Variants in ANGPTL6 observed in about 807,000 individuals in gnomAD.
ANGPTL6 encodes angiopoietin like 6.
A neutral mutation model predicts 47.4 loss-of-function variants in ANGPTL6; 45 were observed. That is an observed-to-expected ratio of 0.95 (90% CI 0.75 to 1.22). The LOEUF (loss-of-function observed/expected upper bound fraction) is 1.22. Ranked by LOEUF, ANGPTL6 falls within the 50% of genes most tolerant of loss-of-function variation. ANGPTL6 has a pLI of 0.00. For missense variants in ANGPTL6, 698 were observed against 669.4 expected, an observed-to-expected ratio of 1.04 and a Z score of -0.47; for synonymous variants, 290 against 295.9, an observed-to-expected ratio of 0.98 and a Z score of 0.20.
Position 10,102,549 on chromosome 19 carries a change from T to C in ANGPTL6, c.-11+19A>G. The C allele has an allele frequency of 1.0e-6, 1 of 983,968 alleles. No homozygotes were observed. Among genetic ancestry groups the C allele is most frequent in the Non-Finnish European group, 1.2e-6 (1 of 828,764 alleles). 61.0% of individuals were successfully genotyped at this position (983,968 alleles called of 1,614,324 possible). ...CCCACAGTGAGAATCAACCTCCACC[T>C]ACCTTCCCACCCTCTCACCTCTGAT... On this transcript the variant is annotated intron_variant, in intron 1 of 5. Coordinates refer to ENST00000253109, the MANE Select transcript of ANGPTL6 (RefSeq NM_031917.3).
chr19:10,093,192 T>G, intron 5 of ANGPTL6, 157 bp downstream of exon 5: 1 of 1,038,622 alleles, frequency 9.6e-7, no homozygotes, highest in African/African-American at 1.6e-5. Context: ...CCCACCAGGA[T>G]AAAAGTCCTG....
chr19:10,105,928 A>G (rs3760756), upstream of ANGPTL6, among the ~76,000 whole-genome samples: 26,578 of 152,172 alleles, frequency 0.17, 2,717 homozygotes, highest in East Asian at 0.38. Context: ...CAGCTGGCCC[A>G]GAGGAGTTGC....
At position 10,096,523 on chromosome 19, in the gene ANGPTL6, A is replaced by T; in HGVS notation, c.41T>A (p.Leu14Gln). 6.6e-7 allele frequency: 1 copy of T among 1,515,032 alleles called. No individual in the cohort carries two copies. Among genetic ancestry groups the T allele is most frequent in the Non-Finnish European group, 8.8e-7 (1 of 1,138,298 alleles). 93.8% of individuals were successfully genotyped at this position (1,515,032 alleles called of 1,614,324 possible). A position where few individuals can be genotyped will look rare whatever the true frequency, so the allele number is the denominator to read the frequency against. ...CGCCCGCGCCCACGACGCGCCCAGC[A>T]GGAGCAGCAGCTGTAGCGCACGCAG... ...PWLRALQLLL[L>Q]LGASWARAGA... Residue 14 changes from leucine (L) to glutamine (Q), a missense_variant, in exon 2 of 6, where the codon CTG becomes CAG. Coordinates refer to ENST00000253109, the MANE Select transcript of ANGPTL6 (RefSeq NM_031917.3).
chr19:10,097,036 C>T (rs1337424727), intron 1 of ANGPTL6, among the ~76,000 whole-genome samples: 1 of 151,888 alleles, frequency 6.6e-6, no homozygotes, highest in Non-Finnish European at 1.5e-5. Flanking sequence ...GAGTTCAAGG[C>T]TTCAGTGAGC....
chr19:10,101,804 CAAAAAAAAAAA>C (rs1019332736), intron 1 of ANGPTL6, among the ~76,000 whole-genome samples: 1 of 54,106 alleles, frequency 1.8e-5, no homozygotes, highest in Non-Finnish European at 3.5e-5. Context: ...GAGCAAGGCT[CAAAAAAAAAAA>C]AAAAAAAAAG....
chr19:10,098,521 G>T (rs1383543393), intron 1 of ANGPTL6, among the ~76,000 whole-genome samples: 3 of 152,098 alleles, frequency 2.0e-5, no homozygotes, highest in South Asian at 4.1e-4. Flanking sequence ...ACCTGGGAGA[G>T]GTTAAAGCAA....
In ANGPTL6 at chr19:10,096,013, A is replaced by T; in HGVS notation, c.551T>A (p.Leu184Gln). The stretch of plus-strand genomic sequence containing the variant: ...CTGCCCGCCCGCGCCTCCCGGGCAC[A>T]GGCGCTCCAGGCGGGCGATGAGACT... ...QSSLIARLER[L>Q]CPGGAGGQQQ... The change falls in exon 2 of 6, where the codon CTG (leucine) becomes CAG (glutamine). Residue 184 changes from leucine to glutamine, a missense_variant. Transcript: ENST00000253109. 1 of 1,362,214 alleles carries T rather than the reference A, an allele frequency of 7.3e-7. No individual in the cohort carries two copies. The highest frequency in any genetic ancestry group is 9.5e-7 in the Non-Finnish European group (1 of 1,052,596). The allele number at this position is 1,362,214 out of a possible 1,614,324, so 84.4% of individuals were successfully genotyped here.
intron 1 of ANGPTL6, among the ~76,000 whole-genome samples, chr19:10,096,823 G>T (rs1476303352): frequency 6.6e-6 from 1 of 152,108 alleles, no homozygotes; most frequent in African/African-American, 2.4e-5. Context: ...GCCGGGCGCC[G>T]TAGCTCACGC....
chr19:10,092,831 C>T, intron 5 of ANGPTL6, 52 bp from the exon 6 acceptor site: 1 of 1,459,312 alleles, frequency 6.9e-7, no homozygotes, highest in Non-Finnish European at 9.2e-7. Flanking sequence ...AAGCCTCTAC[C>T]TGCACCTCAC....
chr19:10,102,417 C>A (rs2088704036), intron 1 of ANGPTL6, 151 bp downstream of exon 1: 1 of 319,976 alleles, frequency 3.1e-6, no homozygotes, highest in Non-Finnish European at 4.5e-6. Flanking sequence ...GATTGAGCAA[C>A]CCCCCAGAAC....
At chr19:10,105,787 A>C (rs1213771292), upstream of ANGPTL6, among the ~76,000 whole-genome samples, 1 of 152,172 alleles carries the variant, frequency 6.6e-6, no homozygotes, top group Non-Finnish European at 1.5e-5. Flanking sequence ...TGAGGCCAAG[A>C]CTGAGGCTTT....
rs904879869 is a variant in ANGPTL6 at position 10,095,971 on chromosome 19, T to C, written c.582+11A>G. On this transcript the variant is annotated intron_variant, in intron 2 of 5. Coordinates refer to ENST00000253109, the MANE Select transcript of ANGPTL6 (RefSeq NM_031917.3). ...AGACGATGCTGCTCTCCGGGGAGGC[T>C]GCGAGGTTACCTGCTGCTGCCCGCC... The C allele has an allele frequency of 1.3e-5, 17 of 1,305,730 alleles. No homozygotes were observed. The highest frequency in any genetic ancestry group is 1.6e-5 in the Non-Finnish European group (16 of 1,023,168). 80.9% of individuals were successfully genotyped at this position (1,305,730 alleles called of 1,614,324 possible).
chr19:10,105,845 C>A (rs908532383), upstream of ANGPTL6, among the ~76,000 whole-genome samples: 8 of 152,224 alleles, frequency 5.3e-5, no homozygotes, highest in African/African-American at 1.9e-4. Context: ...GCCCGCCTTG[C>A]CCTGAGTTTC....
chr19:10,096,594 G>A, intron 1 of ANGPTL6, 21 bp from the exon 2 acceptor site: 1 of 1,465,184 alleles, frequency 6.8e-7, no homozygotes, highest in Non-Finnish European at 9.0e-7. Context: ...AGGAGGAACG[G>A]AAGGAAGACG....
Position 10,096,024 on chromosome 19 carries a change from G to C in ANGPTL6, c.540C>G (p.Arg180=). ...LVTQQSSLIA[R]LERLCPGGAG... is the part of the protein sequence containing the mutation. ...CGCCTCCCGGGCACAGGCGCTCCAG[G>C]CGGGCGATGAGACTGCTCTGCTGGG... The change falls in exon 2 of 6, where the codon CGC becomes CGG. Residue 180 remains arginine, a synonymous_variant. Transcript: ENST00000253109. 1 of 1,375,672 alleles carries C rather than the reference G, an allele frequency of 7.3e-7. No homozygotes were observed. Among genetic ancestry groups the C allele is most frequent in the Non-Finnish European group, 9.4e-7 (1 of 1,059,780 alleles). The allele number at this position is 1,375,672 out of a possible 1,614,324, so 85.2% of individuals were successfully genotyped here.
At chr19:10,103,814 G>GC (rs1306329640), upstream of ANGPTL6, among the ~76,000 whole-genome samples, 23 of 150,946 alleles carry the variant, frequency 1.5e-4, 1 homozygote, top group Admixed American at 5.3e-4. Flanking sequence ...AAAATGTAAG[G>GC]CTGGGCGCGG....
Position 10,092,466 on chromosome 19 carries a change from G to A in ANGPTL6, c.*123C>T. ...CCCATTTTCAGCGCCCAGGGTCACA[G>A]ATCCACAGTGGGAAGTTCTGTGGGA... On this transcript the variant is annotated 3_prime_UTR_variant, in exon 6 of 6. Coordinates refer to ENST00000253109, the MANE Select transcript of ANGPTL6 (RefSeq NM_031917.3). 1 of 1,520,848 alleles carries A rather than the reference G, an allele frequency of 6.6e-7. No homozygotes were observed. The highest frequency in any genetic ancestry group is 2.3e-5 in the East Asian group (1 of 44,100). The allele number at this position is 1,520,848 out of a possible 1,614,324, so 94.2% of individuals were successfully genotyped here.
intron 5 of ANGPTL6, 109 bp downstream of exon 5, chr19:10,093,232 TGCTTATCC>T: frequency 7.5e-7 from 1 of 1,339,894 alleles, no homozygotes; most frequent in Non-Finnish European, 1.0e-6. Context: ...AATAAAAGCT[TGCTTATCC>T]TTATACTTAC....
chr19:10,093,155 A>G, intron 5 of ANGPTL6, 194 bp downstream of exon 5: 1 of 712,154 alleles, frequency 1.4e-6, no homozygotes, highest in South Asian at 2.2e-5. Flanking sequence ...TTGCCTCATC[A>G]GAGAAGGAAT....
Sources: allele counts gnomAD v4.1 joint callset (sites outside exome capture counted in the v4.1 genomes callset), GRCh38; gene constraint gnomAD v4.1.1; transcripts MANE v1.5; gene names NCBI Gene and HGNC (gene_info 2026-07-23, HGNC 2026-07-21).